KIRREL1: variants seen among roughly 807,000 people sequenced by gnomAD.
KIRREL1 encodes kin of IRRE-like protein 1.
KIRREL1 carries 25 observed loss-of-function variants against 83.3 expected under a neutral mutation model. The observed-to-expected ratio is 0.30, with a 90% CI of 0.22 to 0.42. KIRREL1 has a LOEUF of 0.42. KIRREL1 is among the 10% of genes least tolerant of loss of function. The pLI, the probability that KIRREL1 is intolerant of heterozygous loss-of-function variation, is 1.00. For missense variants in KIRREL1, 812 were observed against 1,032.3 expected (o/e 0.79, Z 2.92); for synonymous variants, 388 against 410.4 (o/e 0.95, Z 0.66).
intron 1 of KIRREL1, among the ~76,000 whole-genome samples, chr1:158,052,259 A>G (rs1249396299): frequency 1.3e-5 from 2 of 152,144 alleles, no homozygotes. Flanking sequence ...AGCCCTTGCT[A>G]ACATTTATCT....
chr1:158,083,024 C>A (rs1661908219), intron 3 of KIRREL1, among the ~76,000 whole-genome samples: 1 of 152,174 alleles, frequency 6.6e-6, no homozygotes, highest in Admixed American at 6.5e-5. Flanking sequence ...TGTGATCACC[C>A]AAGCCCTGGG....
In KIRREL1 at chr1:158,086,758, G is replaced by T. The variant is rs1264495953; in HGVS notation, c.661+12G>T. 11 of 1,549,642 alleles carry T rather than the reference G, an allele frequency of 7.1e-6. No individual in the cohort carries two copies. Among genetic ancestry groups the T allele is most frequent in the Non-Finnish European group, 9.6e-6 (11 of 1,145,452 alleles). On this transcript the variant is annotated intron_variant, in intron 5 of 14. Coordinates refer to ENST00000359209, the MANE Select transcript of KIRREL1 (RefSeq NM_018240.7). ...GCTGGATGTGCACCGTGAGTGGGCT[G>T]GGGGGAGCAGTCTGGAGCAGGGGGG...
intron 3 of KIRREL1, among the ~76,000 whole-genome samples, chr1:158,081,114 C>T (rs1661840237): frequency 7.1e-6 from 1 of 141,762 alleles, no homozygotes; most frequent in African/African-American, 2.6e-5. Context: ...AAGAAGCCTC[C>T]CACTCCCCCG....
chr1:158,083,401 C>G (rs769702143), intron 3 of KIRREL1, among the ~76,000 whole-genome samples: 2 of 152,188 alleles, frequency 1.3e-5, no homozygotes, highest in Non-Finnish European at 2.9e-5. Flanking sequence ...CCTTGTGCAT[C>G]AACTGGGATT....
intron 1 of KIRREL1, among the ~76,000 whole-genome samples, chr1:158,058,292 G>A (rs1397532720): frequency 6.6e-6 from 1 of 152,166 alleles, no homozygotes; most frequent in Non-Finnish European, 1.5e-5. Flanking sequence ...TTCCTAGGAA[G>A]ACAATTCCTC....
At chr1:158,022,526 A>G (rs1375949246) in intron 1 of KIRREL1, among the ~76,000 whole-genome samples, 2 of 152,086 alleles carry the variant, frequency 1.3e-5, no homozygotes, top group African/African-American at 4.8e-5. Flanking sequence ...AAACACCCAT[A>G]TTCTTTGACT....
chr1:158,089,386 G>C, intron 8 of KIRREL1, 116 bp from the exon 9 acceptor site: 7 of 1,527,272 alleles, frequency 4.6e-6, no homozygotes, highest in Non-Finnish European at 6.2e-6. Context: ...TTTCCCTTCT[G>C]GGAATTCACT....
At chr1:158,084,721 T>C in intron 4 of KIRREL1, 142 bp downstream of exon 4, 1 of 853,338 alleles carries the variant, frequency 1.2e-6, no homozygotes, top group Non-Finnish European at 1.8e-6. Context: ...CCTCTCATTC[T>C]ACAGTTGGGA....
In KIRREL1 at chr1:158,000,718, T is replaced by G. The variant is rs569714810; in HGVS notation, c.52+6990T>G. ...CATATTTAATTTATTCAGCCACTTT[T>G]ATTAACCTCTGTTGTCTCCAGGGGC... is the stretch of plus-strand genomic sequence containing the variant. On this transcript the variant is annotated intron_variant, in intron 1 of 14. Coordinates refer to ENST00000359209, the MANE Select transcript of KIRREL1 (RefSeq NM_018240.7). 3.9e-5 allele frequency among the ~76,000 whole-genome samples: 6 copies of G among 152,312 alleles called. No homozygotes were observed. The South Asian group carries it at 1.2e-3, about 32-fold the overall frequency.
At chr1:158,002,714 G>C (rs758181590) in intron 1 of KIRREL1, among the ~76,000 whole-genome samples, 1 of 152,158 alleles carries the variant, frequency 6.6e-6, no homozygotes, top group East Asian at 1.9e-4. Context: ...AAATGCTGAA[G>C]CCTAACCGTC....
intron 1 of KIRREL1, among the ~76,000 whole-genome samples, chr1:158,071,231 T>C (rs1409494386): frequency 6.6e-6 from 1 of 152,204 alleles, no homozygotes; most frequent in East Asian, 1.9e-4. Context: ...GCTCGCCTCT[T>C]CCCTTCTCAC....
intron 1 of KIRREL1, among the ~76,000 whole-genome samples, chr1:158,014,838 T>A (rs949430911): frequency 6.6e-6 from 1 of 152,024 alleles, no homozygotes; most frequent in Non-Finnish European, 1.5e-5. Context: ...GCCCTCTAGA[T>A]CTCTGAATTG....
intron 1 of KIRREL1, among the ~76,000 whole-genome samples, chr1:158,063,466 A>T (rs1570967004): frequency 6.6e-6 from 1 of 152,136 alleles, no homozygotes; most frequent in African/African-American, 2.4e-5. Flanking sequence ...CCCTGATTTC[A>T]TCTCATCAGC....
At chr1:158,049,898 G>A (rs1026254114) in intron 1 of KIRREL1, among the ~76,000 whole-genome samples, 6 of 152,094 alleles carry the variant, frequency 3.9e-5, no homozygotes, top group African/African-American at 7.2e-5. Context: ...GAAAAGACCC[G>A]TATTACAGCA....
At chr1:158,042,357 C>A (rs1409089975) in intron 1 of KIRREL1, among the ~76,000 whole-genome samples, 2 of 152,086 alleles carry the variant, frequency 1.3e-5, no homozygotes, top group Non-Finnish European at 2.9e-5. Context: ...TTGTGCCCTC[C>A]TATTGCTTCA....
intron 1 of KIRREL1, among the ~76,000 whole-genome samples, chr1:158,058,072 CT>C (rs561939238): frequency 4.6e-5 from 7 of 152,282 alleles, no homozygotes; most frequent in African/African-American, 1.7e-4. Context: ...CTTGGCTGTG[CT>C]CAGTAATGTC....
chr1:158,057,695 G>C (rs1482132559), intron 1 of KIRREL1, among the ~76,000 whole-genome samples: 1 of 152,214 alleles, frequency 6.6e-6, no homozygotes, highest in Admixed American at 6.5e-5. Flanking sequence ...TGAAATGCCA[G>C]AGTACCCAGG....
At chr1:158,010,451 A>ACACACACG (rs1659652517) in intron 1 of KIRREL1, among the ~76,000 whole-genome samples, 1 of 148,844 alleles carries the variant, frequency 6.7e-6, no homozygotes, top group African/African-American at 2.5e-5. Context: ...ACACACACAC[A>ACACACACG]CACACACACT....
At chr1:158,006,701 C>T (rs1269624676) in intron 1 of KIRREL1, among the ~76,000 whole-genome samples, 1 of 152,202 alleles carries the variant, frequency 6.6e-6, no homozygotes, top group Non-Finnish European at 1.5e-5. Flanking sequence ...CTCAGAGCAG[C>T]TGGGGGCTGG....
Sources: allele counts gnomAD v4.1 joint callset (sites outside exome capture counted in the v4.1 genomes callset), GRCh38; gene constraint gnomAD v4.1.1; transcripts MANE v1.5; gene names NCBI Gene and HGNC (gene_info 2026-07-23, HGNC 2026-07-21).